The following HEPHL1 variants were observed in gnomAD, a reference collection of about 807,000 sequenced individuals.
HEPHL1 encodes the protein hephaestin like 1.
HEPHL1 carries 123 observed loss-of-function variants against 122.0 expected under a neutral mutation model. The ratio of observed to expected loss-of-function variants is 1.01; its 90% CI spans 0.87 to 1.17. The LOEUF (loss-of-function observed/expected upper bound fraction) is 1.17, where lower values mean the gene tolerates loss of function less well. Among genes scored for constraint, HEPHL1 ranks in the 50% most tolerant of loss-of-function variants. The pLI is 0.00. For missense variants in HEPHL1, 1,452 were observed against 1,430.5 expected (o/e 1.01, Z -0.24); for synonymous variants, 527 against 508.9 (o/e 1.04, Z -0.48).
chr11:94,086,289 C>A, intron 11 of HEPHL1, 100 bp downstream of exon 11: 1 of 836,582 alleles, frequency 1.2e-6, no homozygotes, highest in Non-Finnish European at 1.9e-6. Flanking sequence ...TTGTGCACTT[C>A]AAGTGGTGTA....
At chr11:94,095,717 TCTC>T (rs781287232) in intron 13 of HEPHL1, among the ~76,000 whole-genome samples, 93 of 152,168 alleles carry the variant, frequency 6.1e-4, no homozygotes, top group Non-Finnish European at 1.2e-3. Flanking sequence ...GGTTTGTAGT[TCTC>T]CTTGAAGAGG....
intron 12 of HEPHL1, among the ~76,000 whole-genome samples, chr11:94,092,934 G>A (rs747070537): frequency 2.0e-5 from 3 of 152,098 alleles, no homozygotes; most frequent in Non-Finnish European, 4.4e-5. Context: ...CATAACTAGG[G>A]TGAATAACAA....
intron 1 of HEPHL1, among the ~76,000 whole-genome samples, chr11:94,028,016 A>G (rs1247617429): frequency 6.6e-6 from 1 of 151,954 alleles, no homozygotes; most frequent in Non-Finnish European, 1.5e-5. Context: ...AAGCTCAAAC[A>G]ATATTTCTTG....
intron 10 of HEPHL1, among the ~76,000 whole-genome samples, chr11:94,083,374 C>T (rs1337869486): frequency 1.3e-5 from 2 of 152,186 alleles, no homozygotes; most frequent in African/African-American, 4.8e-5. Context: ...CTCTTTGTAT[C>T]AAGTGTTACA....
In HEPHL1 at chr11:94,049,618, TA is replaced by T. The variant is rs3995730; in HGVS notation, c.415+3717del. Among the ~76,000 whole-genome samples, 1,294 of 138,342 alleles carry T rather than the reference TA, an allele frequency of 9.4e-3. 19 individuals are homozygous for T. The highest frequency in any genetic ancestry group is 0.033 in the African/African-American group (1,230 of 37,442). 90.8% of individuals were successfully genotyped at this position (138,342 alleles called of 152,430 possible). On this transcript the variant is annotated intron_variant, in intron 2 of 19. Coordinates refer to ENST00000315765, the MANE Select transcript of HEPHL1 (RefSeq NM_001098672.2). ...AAGATGAATGAATCATAGGATGTAG[TA>T]AAAAAAAAAAAAAAATCAATGACCA...
intron 1 of HEPHL1, among the ~76,000 whole-genome samples, chr11:94,039,249 T>G (rs1250689897): frequency 6.9e-6 from 1 of 144,776 alleles, no homozygotes; most frequent in Non-Finnish European, 1.5e-5. Flanking sequence ...CAAAGAGACT[T>G]AGACTCCCAC....
intron 1 of HEPHL1, 143 bp from the exon 2 acceptor site, chr11:94,045,530 T>A (rs909057509): frequency 1.5e-6 from 1 of 663,544 alleles, no homozygotes; most frequent in Non-Finnish European, 2.5e-6. Flanking sequence ...TTGAGGATAA[T>A]CTTCCGAGCC....
At chr11:94,079,787 A>G (rs1565356786) in intron 9 of HEPHL1, among the ~76,000 whole-genome samples, 1 of 152,172 alleles carries the variant, frequency 6.6e-6, no homozygotes. Flanking sequence ...ATTGTCCAAC[A>G]TAAGGAGAGA....
intron 11 of HEPHL1, among the ~76,000 whole-genome samples, chr11:94,086,885 C>T (rs1158633422): frequency 6.6e-6 from 1 of 152,056 alleles, no homozygotes; most frequent in Non-Finnish European, 1.5e-5. Flanking sequence ...GCCCTATAGA[C>T]ATTGAACATG....
chr11:94,032,860 G>A (rs189296225), intron 1 of HEPHL1, among the ~76,000 whole-genome samples: 7 of 152,214 alleles, frequency 4.6e-5, no homozygotes, highest in East Asian at 3.9e-4. Context: ...GCAAAACGGC[G>A]GAGTTTAACT....
At chr11:94,072,015 T>G (rs778879924) in intron 6 of HEPHL1, among the ~76,000 whole-genome samples, 3 of 152,076 alleles carry the variant, frequency 2.0e-5, no homozygotes, top group Non-Finnish European at 4.4e-5. Flanking sequence ...TTTTTGAACA[T>G]TATTTGATTG....
Position 94,086,010 on chromosome 11 carries a change from G to T in HEPHL1, c.1901G>T (p.Gly634Val). ...GGCTACATGTATGGCAACCAGCCAG[G>T]CTTAAACATGTGTAAAAGGGATAGA... ...VNGYMYGNQP[G>V]LNMCKRDRVS... The change falls in exon 11 of 20, where the codon GGC becomes GTC. Residue 634 changes from glycine to valine, a missense_variant. Physicochemically the swap from Gly to Val is moderately radical, Grantham distance 109. Transcript: ENST00000315765. 6.2e-7 allele frequency: 1 copy of T among 1,613,832 alleles called. No individual in the cohort carries two copies. Among genetic ancestry groups the T allele is most frequent in the Non-Finnish European group, 8.5e-7 (1 of 1,179,834 alleles).
intron 6 of HEPHL1, 30 bp downstream of exon 6, chr11:94,070,572 C>T (rs771150393): frequency 6.4e-7 from 1 of 1,561,958 alleles, no homozygotes; most frequent in Admixed American, 1.8e-5. Flanking sequence ...GTTTCTAAGC[C>T]TCTCGTCAGA....
rs1490488098 is a variant in HEPHL1 at position 94,064,493 on chromosome 11, G to A, written c.791G>A (p.Arg264Lys). Residue 264 changes from arginine to lysine, a missense_variant, in exon 4 of 20, where the codon AGG becomes AAG. By Grantham distance (26) the Arg-to-Lys change is conservative (BLOSUM62 2). Coordinates refer to ENST00000315765, the MANE Select transcript of HEPHL1 (RefSeq NM_001098672.2). The stretch of plus-strand genomic sequence containing the variant: ...GACAAGAAAGATGCTGTTTTCCAGA[G>A]GAGTAACAAAATGCATGGTGAGTAC... Reference protein sequence around the residue: ...SVDKKDAVFQRSNKMHALNGY... With the variant: ...SVDKKDAVFQKSNKMHALNGY... 2.5e-6 allele frequency: 4 copies of A among 1,612,396 alleles called. No individual in the cohort carries two copies. Among genetic ancestry groups the A allele is most frequent in the South Asian group, 2.2e-5 (2 of 90,892 alleles).
At chr11:94,082,735 T>C (rs187290438) in intron 10 of HEPHL1, among the ~76,000 whole-genome samples, 167 bp downstream of exon 10, 1 of 152,342 alleles carries the variant, frequency 6.6e-6, no homozygotes, top group Non-Finnish European at 1.5e-5. Flanking sequence ...GAAACCTCCC[T>C]ATCTCTCAGA....
chr11:94,050,967 A>C (rs2511377), intron 2 of HEPHL1, among the ~76,000 whole-genome samples: 142,742 of 152,172 alleles, frequency 0.94, 67,672 homozygotes, highest in East Asian at 1. Context: ...CCTCCGGTTC[A>C]ATCCACATTG....
chr11:94,101,832 C>T (rs937114430), intron 14 of HEPHL1, among the ~76,000 whole-genome samples: 1 of 152,108 alleles, frequency 6.6e-6, no homozygotes, highest in African/African-American at 2.4e-5. Context: ...TACAGTAGCT[C>T]CCCCTTATCA....
intron 10 of HEPHL1, among the ~76,000 whole-genome samples, chr11:94,083,877 A>G (rs1053077330): frequency 6.6e-6 from 1 of 152,242 alleles, no homozygotes; most frequent in Non-Finnish European, 1.5e-5. Flanking sequence ...ATAAGGAAAT[A>G]TAGCAGTTTC....
At chr11:94,021,604 G>A (rs527272550) in intron 1 of HEPHL1, 66 bp downstream of exon 1, 6 of 1,295,170 alleles carry the variant, frequency 4.6e-6, no homozygotes, top group African/African-American at 3.0e-5. Flanking sequence ...TGTGGGGAAG[G>A]TTGTATTTCT....
Sources: gnomAD v4.1 joint callset for allele counts (sites outside exome capture counted in the v4.1 genomes callset) on GRCh38, gnomAD v4.1.1 for gene constraint, MANE v1.5 for transcripts, NCBI Gene and HGNC (gene_info 2026-07-23, HGNC 2026-07-21) for gene names.